TAMM41: variants seen among roughly 807,000 people sequenced by gnomAD.
The protein encoded by TAMM41 is TAM41 mitochondrial translocator assembly and maintenance homolog.
Under a neutral mutation model 44.1 loss-of-function variants are expected in TAMM41, and 36 were observed. The ratio of observed to expected loss-of-function variants is 0.82; its 90% CI spans 0.63 to 1.08. The LOEUF (loss-of-function observed/expected upper bound fraction) is 1.08. Among genes scored for constraint, TAMM41 ranks in the 50% least tolerant of loss-of-function variants. TAMM41 has a pLI of 0.00. For synonymous variants in TAMM41, 164 were observed against 153.1 expected, an observed-to-expected ratio of 1.07 and a Z score of -0.53; for missense variants, 417 against 404.3, an observed-to-expected ratio of 1.03 and a Z score of -0.27.
chr3:11,733,982 C>G, the TAMM41 span, among the ~76,000 whole-genome samples: 4 of 152,098 alleles, frequency 2.6e-5, no homozygotes, highest in Non-Finnish European at 5.9e-5. Context: ...GGAGAAAGAG[C>G]ATGGAGAAGG....
At chr3:11,763,471 G>C in the TAMM41 span, among the ~76,000 whole-genome samples, 1 of 152,150 alleles carries the variant, frequency 6.6e-6, no homozygotes. Flanking sequence ...AAAAAGATGG[G>C]AAAATTGATA....
chr3:11,729,631 G>C, the TAMM41 span, among the ~76,000 whole-genome samples: 1 of 133,872 alleles, frequency 7.5e-6, no homozygotes, highest in African/African-American at 2.9e-5. Flanking sequence ...TGCCATCTCG[G>C]CTCACTGCAA....
chr3:11,775,769 C>T, the TAMM41 span, among the ~76,000 whole-genome samples: 1 of 152,176 alleles, frequency 6.6e-6, no homozygotes, highest in African/African-American at 2.4e-5. Context: ...ATATATACAG[C>T]CATGCACTGC....
At chr3:11,742,783 CAG>C in the TAMM41 span, among the ~76,000 whole-genome samples, 1 of 139,574 alleles carries the variant, frequency 7.2e-6, no homozygotes, top group South Asian at 2.1e-4. Flanking sequence ...TTGGTAGAGA[CAG>C]GGGTCTCGCC....
chr3:11,767,712 G>A, the TAMM41 span, among the ~76,000 whole-genome samples: 29 of 135,608 alleles, frequency 2.1e-4, no homozygotes, highest in African/African-American at 7.4e-4. Flanking sequence ...TGCAACCTCC[G>A]CCTCCCGGGT....
At chr3:11,745,058 G>T in the TAMM41 span, among the ~76,000 whole-genome samples, 4 of 152,112 alleles carry the variant, frequency 2.6e-5, no homozygotes, top group African/African-American at 7.2e-5. Context: ...AGATGGGGTT[G>T]CACCATGTTG....
At chr3:11,782,624 T>G in the TAMM41 span, among the ~76,000 whole-genome samples, 1 of 152,166 alleles carries the variant, frequency 6.6e-6, no homozygotes, top group Non-Finnish European at 1.5e-5. Flanking sequence ...TGAGGCTGTT[T>G]ACATATTACA....
the TAMM41 span, among the ~76,000 whole-genome samples, chr3:11,781,736 AAATAATAATAATAATAAT>A: frequency 8.1e-5 from 10 of 123,082 alleles, no homozygotes; most frequent in South Asian, 5.9e-4. Flanking sequence ...CTCCATCTCA[AAATAATAATAATAATAAT>A]AATAATAATA....
chr3:11,818,991 C>T (rs765838152), intron 4 of TAMM41, among the ~76,000 whole-genome samples: 42 of 151,810 alleles, frequency 2.8e-4, no homozygotes, highest in Non-Finnish European at 5.4e-4. Flanking sequence ...AGAAGCGAGT[C>T]CCAGTCCTAA....
At chr3:11,729,539 A>ATTTTTTTT in the TAMM41 span, among the ~76,000 whole-genome samples, 68 of 32,292 alleles carry the variant, frequency 2.1e-3, 6 homozygotes, top group East Asian at 9.5e-3. Context: ...TCTTTCTTTC[A>ATTTTTTTT]TTTTTTTTTT....
the TAMM41 span, among the ~76,000 whole-genome samples, chr3:11,739,733 G>A: frequency 8.0e-5 from 12 of 150,634 alleles, no homozygotes; most frequent in East Asian, 2.1e-3. Flanking sequence ...AGATGAGTGA[G>A]GATACTGGAT....
downstream of TAMM41, among the ~76,000 whole-genome samples, chr3:11,788,912 G>A (rs1232739716): frequency 6.6e-6 from 1 of 151,484 alleles, no homozygotes; most frequent in African/African-American, 2.4e-5. Flanking sequence ...ATTCCAGCCT[G>A]GGCAACAAGG....
At chr3:11,794,712 C>T (rs1047464355) in intron 7 of TAMM41, among the ~76,000 whole-genome samples, 5 of 152,134 alleles carry the variant, frequency 3.3e-5, no homozygotes, top group Non-Finnish European at 5.9e-5. Flanking sequence ...TTAATACACA[C>T]GTAAGACTAT....
chr3:11,811,010 G>A (rs2078070860), intron 5 of TAMM41: 1 of 152,142 alleles, frequency 6.6e-6, no homozygotes, highest in Non-Finnish European at 1.5e-5. Context: ...GGAAGTTGAG[G>A]CTACGATGAG....
chr3:11,737,453 T>G, the TAMM41 span, among the ~76,000 whole-genome samples: 1 of 151,978 alleles, frequency 6.6e-6, no homozygotes, highest in Non-Finnish European at 1.5e-5. Context: ...CCAGAGTAGC[T>G]GGGATTACAG....
intron 2 of TAMM41, among the ~76,000 whole-genome samples, chr3:11,842,353 C>A (rs303857): frequency 0.38 from 55,243 of 146,094 alleles, 11,392 homozygotes; most frequent in Middle Eastern, 0.56. Context: ...GAGATCGCAC[C>A]ATTGCACTCC....
At chr3:11,725,402 C>CTT in the TAMM41 span, among the ~76,000 whole-genome samples, 9,864 of 135,746 alleles carry the variant, frequency 0.073, 471 homozygotes, top group South Asian at 0.094. Flanking sequence ...TTTTCTTCTT[C>CTT]CTCTTCTTCT....
intron 7 of TAMM41, among the ~76,000 whole-genome samples, chr3:11,794,712 C>G (rs1047464355): frequency 6.6e-6 from 1 of 152,134 alleles, no homozygotes; most frequent in African/African-American, 2.4e-5. Context: ...TTAATACACA[C>G]GTAAGACTAT....
At chr3:11,829,524 C>T (rs2078895179) in intron 4 of TAMM41, among the ~76,000 whole-genome samples, 190 bp downstream of exon 4, 1 of 152,128 alleles carries the variant, frequency 6.6e-6, no homozygotes, top group Non-Finnish European at 1.5e-5. Flanking sequence ...GGACAATAAG[C>T]ATGGAGATGT....
Sources: gnomAD v4.1 joint callset for allele counts (sites outside exome capture counted in the v4.1 genomes callset) on GRCh38, gnomAD v4.1.1 for gene constraint, MANE v1.5 for transcripts, NCBI Gene and HGNC (gene_info 2026-07-23, HGNC 2026-07-21) for gene names.